MS4A7: variants seen among roughly 807,000 people sequenced by gnomAD.
The protein encoded by MS4A7 is membrane spanning 4-domains A7.
MS4A7 carries 21 observed loss-of-function variants against 23.5 expected under a neutral mutation model. The observed-to-expected ratio is 0.89, with a 90% CI of 0.63 to 1.29. MS4A7 has a LOEUF of 1.29. MS4A7 is among the 50% of genes most tolerant of loss of function. The probability of loss-of-function intolerance (pLI) is 0.00; values close to 1 mark genes in which losing one functional copy is unlikely to be tolerated. For missense variants in MS4A7, 263 were observed against 274.2 expected (o/e 0.96, Z 0.29); for synonymous variants, 111 against 107.4 (o/e 1.03, Z -0.21).
In MS4A7 at chr11:60,395,266, T is replaced by C; in HGVS notation, c.*1405T>C. 1 of 234,392 alleles carries C rather than the reference T, an allele frequency of 4.3e-6. No individual in the cohort carries two copies. The highest frequency in any genetic ancestry group is 8.2e-6 in the Non-Finnish European group (1 of 122,576). 14.5% of individuals were successfully genotyped at this position (234,392 alleles called of 1,614,324 possible). A position where few individuals can be genotyped will look rare whatever the true frequency, so the allele number is the denominator to read the frequency against. ...TTGGGCAATTATGGAAATTCCAGTGTGGCTGCAGTTTAACTTTGCACTCTC... is the reference window on the plus strand; with the variant it reads ...TTGGGCAATTATGGAAATTCCAGTGCGGCTGCAGTTTAACTTTGCACTCTC... On this transcript the variant is annotated 3_prime_UTR_variant, in exon 7 of 7. Coordinates refer to ENST00000300184, the MANE Select transcript of MS4A7 (RefSeq NM_021201.5).
intron 1 of MS4A7, among the ~76,000 whole-genome samples, chr11:60,381,823 C>T (rs1194247661): frequency 6.6e-6 from 1 of 152,094 alleles, no homozygotes; most frequent in Non-Finnish European, 1.5e-5. Flanking sequence ...GGGATCTGAA[C>T]ACACGACTGG....
intron 2 of MS4A7, among the ~76,000 whole-genome samples, chr11:60,384,650 T>C (rs1590792050): frequency 6.6e-6 from 1 of 152,228 alleles, no homozygotes; most frequent in African/African-American, 2.4e-5. Flanking sequence ...ATAATTATTA[T>C]TAAAATCCAA....
intron 1 of MS4A7, among the ~76,000 whole-genome samples, chr11:60,382,627 G>A (rs933905053): frequency 2.0e-5 from 3 of 152,194 alleles, no homozygotes; most frequent in South Asian, 4.1e-4. Flanking sequence ...TCTCGCTATA[G>A]GAAAGGAAAG....
intron 1 of MS4A7, among the ~76,000 whole-genome samples, chr11:60,379,863 G>A (rs1464596399): frequency 2.0e-5 from 3 of 152,118 alleles, no homozygotes; most frequent in Non-Finnish European, 4.4e-5. Context: ...ACAGTTCAGT[G>A]GCATTAAGCA....
Position 60,393,809 on chromosome 11 carries a change from C to T in MS4A7, c.671C>T (p.Ser224Leu). ...TAGAGTTCATTTTCCTCGACCCAGT[C>T]ACAAGATCATATCCAACAGGTCAAA... Reference protein sequence around the residue: ...NPGSSFSSTQSQDHIQQVKKS... With the variant: ...NPGSSFSSTQLQDHIQQVKKS... Residue 224 changes from serine (S) to leucine (L), a missense_variant, in exon 7 of 7, where the codon TCA (serine) becomes TTA (leucine). By Grantham distance (145) the Ser-to-Leu change is moderately radical (BLOSUM62 -2). Coordinates refer to ENST00000300184, the MANE Select transcript of MS4A7 (RefSeq NM_021201.5). The T allele has an allele frequency of 1.9e-6, 3 of 1,611,474 alleles. No individual in the cohort carries two copies. The highest frequency in any genetic ancestry group is 2.5e-6 in the Non-Finnish European group (3 of 1,179,010).
chr11:60,384,744 C>G (rs2085465984), intron 2 of MS4A7, among the ~76,000 whole-genome samples: 1 of 152,140 alleles, frequency 6.6e-6, no homozygotes, highest in African/African-American at 2.4e-5. Flanking sequence ...CATTAACACT[C>G]CTGTGAAAAG....
rs1332871545 is a variant in MS4A7 at position 60,389,561 on chromosome 11, A to G, written c.511A>G (p.Ile171Val). 6.2e-7 allele frequency: 1 copy of G among 1,614,030 alleles called. No individual in the cohort carries two copies. The highest frequency in any genetic ancestry group is 8.5e-7 in the Non-Finnish European group (1 of 1,179,936). Residue 171 changes from isoleucine (I) to valine (V), a missense_variant, in exon 5 of 7, where the codon ATC (isoleucine) becomes GTC (valine). By Grantham distance (29) the Ile-to-Val change is conservative. Transcript: ENST00000300184. ...YSEYYYPIYE[I>V]KDCLLTSVSL... is the part of the protein sequence containing the mutation. ...GGAGTACTATTATCCAATATATGAA[A>G]TCAAAGATTGTCTCCTGACCAGTGT...
rs2085461970 is a variant in MS4A7, at chr11:60,384,375, A to G, written c.148-713A>G. ...TTAACTCTATTCTGCCTTGCATGGA[A>G]CTTGTCTGTACCTTTACAGACAAGA... is the stretch of plus-strand genomic sequence containing the variant. On this transcript the variant is annotated intron_variant, in intron 2 of 6. Coordinates refer to ENST00000300184, the MANE Select transcript of MS4A7 (RefSeq NM_021201.5). 4.6e-5 allele frequency among the ~76,000 whole-genome samples: 7 copies of G among 152,286 alleles called. No individual in the cohort carries two copies. The South Asian group carries it at 1.5e-3, about 32-fold the overall frequency.
At chr11:60,378,934 A>G (rs2085399714) in intron 1 of MS4A7, among the ~76,000 whole-genome samples, 1 of 152,250 alleles carries the variant, frequency 6.6e-6, no homozygotes, top group Non-Finnish European at 1.5e-5. Context: ...GTCTACTCTC[A>G]ACAAATACTG....
intron 1 of MS4A7, 150 bp from the exon 2 acceptor site, chr11:60,382,979 C>T (rs1426947249): frequency 3.8e-6 from 3 of 782,246 alleles, no homozygotes; most frequent in Non-Finnish European, 6.2e-6. Flanking sequence ...TTCCAATGCT[C>T]CACTGATCCC....
At chr11:60,386,802 T>A in intron 4 of MS4A7, 29 bp downstream of exon 4, 1 of 1,535,980 alleles carries the variant, frequency 6.5e-7, no homozygotes, top group South Asian at 1.2e-5. Context: ...AAATCTCAGC[T>A]GGTTGGAATT....
At chr11:60,388,001 C>T (rs983542271) in intron 4 of MS4A7, among the ~76,000 whole-genome samples, 2 of 152,198 alleles carry the variant, frequency 1.3e-5, no homozygotes, top group African/African-American at 4.8e-5. Context: ...GCACATGCTC[C>T]TCTCTGTTTA....
In MS4A7 at chr11:60,394,918, T is replaced by C; in HGVS notation, c.*1057T>C. The stretch of plus-strand genomic sequence containing the variant: ...AAAAGAATATTCAGTCGTTGGCACA[T>C]AAACTATGTTCTCTTCTGTCATTTC... On this transcript the variant is annotated 3_prime_UTR_variant, in exon 7 of 7. Coordinates refer to ENST00000300184, the MANE Select transcript of MS4A7 (RefSeq NM_021201.5). 1.6e-6 allele frequency: 1 copy of C among 611,854 alleles called. No individual in the cohort carries two copies. 37.9% of individuals were successfully genotyped at this position (611,854 alleles called of 1,614,324 possible).
In MS4A7 at chr11:60,389,658, T is replaced by G. The variant is rs183154373; in HGVS notation, c.546+62T>G. Reference sequence around the variant, plus strand: ...ATCTCTGTGTCTCCCCTTTGCATACTCTCTGCTTTTCTGGCAGTCTCTGGT... The same window carrying G: ...ATCTCTGTGTCTCCCCTTTGCATACGCTCTGCTTTTCTGGCAGTCTCTGGT... On this transcript the variant is annotated intron_variant, in intron 5 of 6. Transcript: ENST00000300184. 88 of 1,463,530 alleles carry G rather than the reference T, an allele frequency of 6.0e-5. No individual in the cohort carries two copies. In the Admixed American group the frequency reaches 1.3e-3, roughly 22 times the overall value. The allele number at this position is 1,463,530 out of a possible 1,614,324, so 90.7% of individuals were successfully genotyped here.
At chr11:60,384,358 A>G (rs73479165) in intron 2 of MS4A7, among the ~76,000 whole-genome samples, 3,194 of 152,254 alleles carry the variant, frequency 0.021, 130 homozygotes, top group African/African-American at 0.071. Context: ...TCTTAACTCT[A>G]TTCTGCCTTG....
intron 5 of MS4A7, among the ~76,000 whole-genome samples, chr11:60,392,039 C>T (rs947916667): frequency 6.6e-6 from 1 of 151,052 alleles, no homozygotes; most frequent in African/African-American, 2.4e-5. Context: ...TGAAAATTGT[C>T]TTTGAAATTA....
intron 5 of MS4A7, among the ~76,000 whole-genome samples, chr11:60,391,516 G>A (rs1423918361): frequency 6.6e-6 from 1 of 152,126 alleles, no homozygotes; most frequent in Non-Finnish European, 1.5e-5. Flanking sequence ...AGTAGCGGCA[G>A]CAAATGGGGA....
In MS4A7 at chr11:60,383,216, GA is replaced by G; in HGVS notation, c.78del (p.Lys26AsnfsTer33). On this transcript the variant is annotated frameshift_variant, in exon 2 of 7. Coordinates refer to ENST00000300184, the MANE Select transcript of MS4A7 (RefSeq NM_021201.5). LOFTEE classifies it high-confidence loss of function. ...PKGITIPQRE[K>X]PGHMYQNEDY... ...AGGGCATCACTATCCCTCAAAGAGA[GA>G]AACCTGGACACATGTACCAAAACGA... The G allele has an allele frequency of 6.2e-7, 1 of 1,614,166 alleles. No homozygotes were observed. The highest frequency in any genetic ancestry group is 8.5e-7 in the Non-Finnish European group (1 of 1,180,024).
chr11:60,393,798 C>T lies in MS4A7; in HGVS notation c.660C>T (p.Ser220=). 1 of 1,608,816 alleles carries T rather than the reference C, an allele frequency of 6.2e-7. No homozygotes were observed. Among genetic ancestry groups the T allele is most frequent in the Non-Finnish European group, 8.5e-7 (1 of 1,178,038 alleles). ...LYSNNPGSSF[S]STQSQDHIQQ... Reference sequence around the variant, plus strand: ...TATGTATTTTCTAGAGTTCATTTTCCTCGACCCAGTCACAAGATCATATCC... The same window carrying T: ...TATGTATTTTCTAGAGTTCATTTTCTTCGACCCAGTCACAAGATCATATCC... The change falls in exon 7 of 7, where the codon TCC becomes TCT. Residue 220 remains serine, a synonymous_variant. Transcript: ENST00000300184.
Sources: allele counts gnomAD v4.1 joint callset (sites outside exome capture counted in the v4.1 genomes callset), GRCh38; gene constraint gnomAD v4.1.1; transcripts MANE v1.5; gene names NCBI Gene and HGNC (gene_info 2026-07-23, HGNC 2026-07-21).